The following B3GALT1 variants were observed in gnomAD, a reference collection of about 807,000 sequenced individuals.
B3GALT1 encodes UDP-Gal:betaGlcNAc beta 1,3-galactosyltransferase, polypeptide 1.
In B3GALT1, 10 loss-of-function variants were observed where a neutral mutation model predicts 23.2. That is an observed-to-expected ratio of 0.43 (90% CI 0.27 to 0.73). B3GALT1 has a LOEUF of 0.73. B3GALT1 is among the 30% of genes least tolerant of loss of function. B3GALT1 has a pLI of 0.21. For synonymous variants in B3GALT1, 156 were observed against 141.5 expected, an observed-to-expected ratio of 1.10 and a Z score of -0.73; for missense variants, 299 against 405.4, an observed-to-expected ratio of 0.74 and a Z score of 2.25.
intron 1 of B3GALT1, among the ~76,000 whole-genome samples, chr2:167,449,578 C>T (rs1157585229): frequency 6.6e-6 from 1 of 152,118 alleles, no homozygotes; most frequent in Non-Finnish European, 1.5e-5. Context: ...GATTTGCATG[C>T]ACTATTTCTT....
At chr2:167,497,713 C>T (rs181539301) in intron 2 of B3GALT1, among the ~76,000 whole-genome samples, 1 of 151,892 alleles carries the variant, frequency 6.6e-6, no homozygotes, top group Non-Finnish European at 1.5e-5. Context: ...AAAGGAGACT[C>T]TGAGGTGACA....
intron 3 of B3GALT1, among the ~76,000 whole-genome samples, chr2:167,742,541 C>T (rs1487612594): frequency 2.0e-5 from 3 of 152,010 alleles, no homozygotes; most frequent in African/African-American, 4.8e-5. Flanking sequence ...GGGTGTGTAG[C>T]GGCATATGGT....
At chr2:167,413,886 A>G (rs1453788744) in intron 1 of B3GALT1, among the ~76,000 whole-genome samples, 2 of 151,970 alleles carry the variant, frequency 1.3e-5, no homozygotes, top group Non-Finnish European at 2.9e-5. Context: ...TCTTGGTTTA[A>G]AAGGAATACA....
In B3GALT1 at chr2:167,635,316, T is replaced by C. The variant is rs1479320616; in HGVS notation, c.-409-11593T>C. On this transcript the variant is annotated intron_variant, in intron 2 of 4. Coordinates refer to ENST00000392690, the MANE Select transcript of B3GALT1 (RefSeq NM_020981.4). ...AGACAACGATGCCCTCTCTCACTAC[T>C]CCTGTTCAAAACAGTATTGGAAGTT... 2.0e-5 allele frequency among the ~76,000 whole-genome samples: 3 copies of C among 152,082 alleles called. No individual in the cohort carries two copies. In the East Asian group the frequency reaches 5.8e-4, roughly 29 times the overall value.
At chr2:167,662,261 T>C (rs1016932415) in intron 3 of B3GALT1, among the ~76,000 whole-genome samples, 1 of 152,132 alleles carries the variant, frequency 6.6e-6, no homozygotes, top group Non-Finnish European at 1.5e-5. Flanking sequence ...TTTTTGTATA[T>C]AAATAGCCTG....
At chr2:167,494,723 T>C (rs1699754395) in intron 2 of B3GALT1, among the ~76,000 whole-genome samples, 1 of 152,190 alleles carries the variant, frequency 6.6e-6, no homozygotes, top group South Asian at 2.1e-4. Context: ...AAGTAAATAA[T>C]TTTAAAGTTG....
intron 1 of B3GALT1, among the ~76,000 whole-genome samples, chr2:167,349,507 G>GA (rs1697277849): frequency 6.6e-6 from 1 of 152,034 alleles, no homozygotes; most frequent in Admixed American, 6.6e-5. Context: ...AATAAGGAAG[G>GA]AAAAAAATTG....
chr2:167,539,949 A>G (rs1683509112), intron 2 of B3GALT1, among the ~76,000 whole-genome samples: 2 of 152,176 alleles, frequency 1.3e-5, no homozygotes, highest in Admixed American at 1.3e-4. Context: ...AAATAACTCT[A>G]TTCCTTCAGG....
chr2:167,696,566 C>T (rs1322725107), intron 3 of B3GALT1, among the ~76,000 whole-genome samples: 1 of 152,060 alleles, frequency 6.6e-6, no homozygotes, highest in Non-Finnish European at 1.5e-5. Context: ...TGTAGTGTTA[C>T]TCTCTCTCCA....
intron 2 of B3GALT1, among the ~76,000 whole-genome samples, chr2:167,625,942 CATATATATATATATATAT>C (rs10522850): frequency 0.017 from 2,019 of 118,430 alleles, 58 homozygotes; most frequent in South Asian, 0.029. Flanking sequence ...ATGACTAGGC[CATATATATATATATATAT>C]ATATATATAT....
At chr2:167,464,880 T>G (rs998826644) in intron 1 of B3GALT1, among the ~76,000 whole-genome samples, 2 of 152,200 alleles carry the variant, frequency 1.3e-5, no homozygotes, top group African/African-American at 4.8e-5. Context: ...AAATTTGTAT[T>G]GGCATTGTGG....
chr2:167,712,453 T>C (rs547532049), intron 3 of B3GALT1, among the ~76,000 whole-genome samples: 1 of 151,400 alleles, frequency 6.6e-6, no homozygotes, highest in Admixed American at 6.6e-5. Flanking sequence ...TAGCATGCCA[T>C]AGAGCACAGC....
At chr2:167,666,771 A>G (rs536131181) in intron 3 of B3GALT1, among the ~76,000 whole-genome samples, 8 of 151,802 alleles carry the variant, frequency 5.3e-5, no homozygotes, top group Non-Finnish European at 1.2e-4. Flanking sequence ...TAGGTTTGCA[A>G]CCCCTGCCTT....
chr2:167,425,968 T>C (rs1377388058), intron 1 of B3GALT1, among the ~76,000 whole-genome samples: 2 of 152,174 alleles, frequency 1.3e-5, no homozygotes, highest in Non-Finnish European at 2.9e-5. Flanking sequence ...CTTTTTTTCA[T>C]TCCCTCAGCA....
At chr2:167,402,649 G>T (rs1698211783) in intron 1 of B3GALT1, among the ~76,000 whole-genome samples, 1 of 152,036 alleles carries the variant, frequency 6.6e-6, no homozygotes, top group Admixed American at 6.6e-5. Flanking sequence ...TAAGGCATAG[G>T]GAGTTAAATA....
intron 1 of B3GALT1, among the ~76,000 whole-genome samples, chr2:167,418,833 A>G (rs1333060823): frequency 6.6e-6 from 1 of 152,122 alleles, no homozygotes; most frequent in African/African-American, 2.4e-5. Context: ...CACTGTGCCC[A>G]GCCTCTTCCG....
chr2:167,562,365 A>C (rs1455697074), intron 2 of B3GALT1, among the ~76,000 whole-genome samples: 2 of 152,222 alleles, frequency 1.3e-5, no homozygotes, highest in Admixed American at 6.5e-5. Flanking sequence ...GAATTGGCAA[A>C]AACTGGAAGC....
intron 1 of B3GALT1, among the ~76,000 whole-genome samples, chr2:167,412,809 C>G (rs978697302): frequency 1.3e-5 from 2 of 152,182 alleles, no homozygotes; most frequent in East Asian, 3.9e-4. Flanking sequence ...ATCACTAGAA[C>G]TGGAAATAGC....
At position 167,459,186 on chromosome 2, in the gene B3GALT1, C is replaced by G. The variant is rs747630921; in HGVS notation, c.-510-30991C>G. On this transcript the variant is annotated intron_variant, in intron 1 of 4. Transcript: ENST00000392690. ...TTCTATATACATTAGTTTTTTTATT[C>G]CTCACACCCTTATATTACTGTCTTT... Among the ~76,000 whole-genome samples the G allele has an allele frequency of 4.6e-5, 7 of 151,766 alleles. No individual in the cohort carries two copies. The East Asian group carries it at 1.3e-3, about 29-fold the overall frequency.
Sources: gnomAD v4.1 joint callset for allele counts (sites outside exome capture counted in the v4.1 genomes callset) on GRCh38, gnomAD v4.1.1 for gene constraint, MANE v1.5 for transcripts, NCBI Gene and HGNC (gene_info 2026-07-23, HGNC 2026-07-21) for gene names.